Variants in SORBS2 observed in about 807,000 individuals in gnomAD.
SORBS2 encodes the protein sorbin and SH3 domain containing 2, also known as sorbin and SH3 domain-containing protein 2.
SORBS2 carries 46 observed loss-of-function variants against 97.7 expected under a neutral mutation model. The ratio of observed to expected loss-of-function variants is 0.47; its 90% CI spans 0.37 to 0.60. The LOEUF (loss-of-function observed/expected upper bound fraction) is 0.60. SORBS2 is among the 20% of genes least tolerant of loss of function. The probability of loss-of-function intolerance (pLI) is 0.00; values close to 1 mark genes in which losing one functional copy is unlikely to be tolerated. For synonymous variants in SORBS2, 476 were observed against 473.4 expected, an observed-to-expected ratio of 1.01 and a Z score of -0.07; for missense variants, 1,316 against 1,282.3, an observed-to-expected ratio of 1.03 and a Z score of -0.40.
intron 1 of SORBS2, among the ~76,000 whole-genome samples, chr4:185,853,950 G>C (rs374141795): frequency 2.6e-5 from 4 of 152,166 alleles, no homozygotes; most frequent in African/African-American, 9.6e-5. Flanking sequence ...ATGTTACTCT[G>C]GTTACTTATA....
intron 1 of SORBS2, among the ~76,000 whole-genome samples, chr4:185,868,655 T>G (rs1053935576): frequency 6.6e-6 from 1 of 152,174 alleles, no homozygotes; most frequent in East Asian, 1.9e-4. Context: ...GTTGTAATTT[T>G]TTTCATGTTG....
chr4:185,944,970 C>A (rs1359596904), intron 1 of SORBS2, among the ~76,000 whole-genome samples: 3 of 152,184 alleles, frequency 2.0e-5, no homozygotes, highest in African/African-American at 7.2e-5. Context: ...AAAAAGAACA[C>A]TAATATCAAG....
intron 4 of SORBS2, chr4:185,665,626 G>T: frequency 2.8e-6 from 1 of 359,806 alleles, no homozygotes. Context: ...GAATTGGTTT[G>T]GGAATCAACA....
chr4:185,816,738 A>G lies in SORBS2; in HGVS notation c.-337-41372T>C, dbSNP rs2099193468. Among the ~76,000 whole-genome samples, 4 of 152,246 alleles carry G rather than the reference A, an allele frequency of 2.6e-5. No homozygotes were observed. The South Asian group carries it at 8.3e-4, about 32-fold the overall frequency. ...AGGTGCCCAAAACCAAAACAAACCC[A>G]GCAGAGTTGAGGGTTTTTGGAAATT... On this transcript the variant is annotated intron_variant, in intron 1 of 20. Coordinates refer to the SORBS2 transcript ENST00000284776.
At chr4:185,843,178 C>T (rs1194056014) in intron 1 of SORBS2, among the ~76,000 whole-genome samples, 1 of 151,944 alleles carries the variant, frequency 6.6e-6, no homozygotes, top group East Asian at 1.9e-4. Context: ...AGGAAAAGGC[C>T]CCCACAAAAG....
chr4:185,946,732 T>C (rs79786522), intron 1 of SORBS2, among the ~76,000 whole-genome samples: 4,513 of 152,330 alleles, frequency 0.03, 246 homozygotes, highest in African/African-American at 0.1. Flanking sequence ...CTGAACCTAA[T>C]TTTGTAAATA....
intron 1 of SORBS2, among the ~76,000 whole-genome samples, chr4:185,788,069 C>T (rs1029032571): frequency 1.9e-4 from 29 of 152,202 alleles, no homozygotes; most frequent in Non-Finnish European, 3.8e-4. Context: ...TTCCACGGGG[C>T]CTGCCGGGCT....
rs531494639 is a variant in SORBS2, at chr4:185,673,416, G to A, written c.-46+5007C>T. On this transcript the variant is annotated intron_variant, in intron 4 of 20. Transcript: ENST00000284776. ...TTAGAAAAGAGGACACGCTATCTTGGAACAAACTGAAAGTCTGTTGAAATA... is the reference window on the plus strand; with the variant it reads ...TTAGAAAAGAGGACACGCTATCTTGAAACAAACTGAAAGTCTGTTGAAATA... Among the ~76,000 whole-genome samples the A allele has an allele frequency of 2.0e-5, 3 of 152,226 alleles. No homozygotes were observed. In the East Asian group the frequency reaches 5.8e-4, roughly 29 times the overall value.
At chr4:185,638,768 G>A in intron 4 of SORBS2, 109 bp downstream of exon 14, 1 of 1,025,010 alleles carries the variant, frequency 9.8e-7, no homozygotes, top group Non-Finnish European at 1.3e-6. Context: ...GGGCCTGGAT[G>A]GGTGCGAGCG....
At position 185,611,998 on chromosome 4, in the gene SORBS2, A is replaced by C; in HGVS notation, c.2596-18T>G. The C allele has an allele frequency of 7.1e-7, 1 of 1,402,642 alleles. No homozygotes were observed. The highest frequency in any genetic ancestry group is 1.0e-6 in the Non-Finnish European group (1 of 990,534). The allele number at this position is 1,402,642 out of a possible 1,614,324, so 86.9% of individuals were successfully genotyped here. A position where few individuals can be genotyped will look rare whatever the true frequency, so the allele number is the denominator to read the frequency against. ...CTATCTCCCTGTTATGAATATGAGA[A>C]AAATGCATTAGAAACAGAGATAGAA... On this transcript the variant is annotated intron_variant, in intron 11 of 14. Coordinates refer to ENST00000418609, the Ensembl canonical transcript of SORBS2.
chr4:185,609,454 G>T (rs1561384487), intron 12 of SORBS2, among the ~76,000 whole-genome samples: 1 of 152,128 alleles, frequency 6.6e-6, no homozygotes, highest in Admixed American at 6.5e-5. Flanking sequence ...ACGCTGTGCC[G>T]TCACCACCAC....
chr4:185,848,937 C>T (rs1243064807), intron 1 of SORBS2, among the ~76,000 whole-genome samples: 1 of 151,976 alleles, frequency 6.6e-6, no homozygotes, highest in Non-Finnish European at 1.5e-5. Context: ...CTCTTGTAGC[C>T]CTTTCACTAG....
At chr4:185,605,064 G>A (rs73876127) in intron 12 of SORBS2, among the ~76,000 whole-genome samples, 193 of 152,288 alleles carry the variant, frequency 1.3e-3, no homozygotes, top group African/African-American at 4.1e-3. Context: ...GTAGAGACAC[G>A]TTTGGCTCCT....
intron 2 of SORBS2, among the ~76,000 whole-genome samples, chr4:185,700,961 C>A (rs547801436): frequency 6.6e-6 from 1 of 152,322 alleles, no homozygotes; most frequent in Admixed American, 6.5e-5. Context: ...AATTTATATT[C>A]CACAGTTACA....
intron 4 of SORBS2, among the ~76,000 whole-genome samples, chr4:185,631,767 A>G (rs2096911398): frequency 7.9e-6 from 1 of 126,154 alleles, no homozygotes; most frequent in Non-Finnish European, 1.8e-5. Flanking sequence ...CATCTCAAAA[A>G]AACAAAAACA....
At chr4:185,889,979 C>T (rs1228336810) in intron 1 of SORBS2, among the ~76,000 whole-genome samples, 1 of 152,178 alleles carries the variant, frequency 6.6e-6, no homozygotes, top group African/African-American at 2.4e-5. Context: ...CTCTGCCTCC[C>T]AAGTTCAAGC....
At chr4:185,731,866 C>CTCTCTA (rs1286500642) in intron 2 of SORBS2, among the ~76,000 whole-genome samples, 5 of 24,688 alleles carry the variant, frequency 2.0e-4, no homozygotes, top group Admixed American at 6.7e-4. Context: ...CTCTCTCTCT[C>CTCTCTA]TATATATATA....
chr4:185,799,777 T>A (rs558940989), intron 1 of SORBS2, among the ~76,000 whole-genome samples: 1 of 152,316 alleles, frequency 6.6e-6, no homozygotes, highest in East Asian at 1.9e-4. Context: ...CACGTGCCTT[T>A]AATGCCTGGG....
chr4:185,745,198 C>A (rs551699959), intron 2 of SORBS2, among the ~76,000 whole-genome samples: 2 of 152,168 alleles, frequency 1.3e-5, no homozygotes, highest in South Asian at 4.2e-4. Flanking sequence ...AGGGATGCTG[C>A]AAAGATGCCC....
Sources: allele counts gnomAD v4.1 joint callset (sites outside exome capture counted in the v4.1 genomes callset), GRCh38; gene constraint gnomAD v4.1.1; transcripts MANE v1.5; gene names NCBI Gene and HGNC (gene_info 2026-07-23, HGNC 2026-07-21).